The following MFSD11 variants were observed in gnomAD, a reference collection of about 807,000 sequenced individuals.
MFSD11 encodes the protein UNC93-like protein MFSD11.
MFSD11 carries 36 observed loss-of-function variants against 53.5 expected under a neutral mutation model. That is an observed-to-expected ratio of 0.67 (90% CI 0.52 to 0.89). The LOEUF is 0.89. MFSD11 is among the 40% of genes least tolerant of loss of function. MFSD11 has a pLI of 0.00. For missense variants in MFSD11, 530 were observed against 543.9 expected (o/e 0.97, Z 0.25); for synonymous variants, 186 against 184.9 (o/e 1.01, Z -0.05).
chr17:76,769,633 T>G (rs186159617), intron 9 of MFSD11, 113 bp from the exon 10 acceptor site: 3 of 746,400 alleles, frequency 4.0e-6, no homozygotes, highest in Non-Finnish European at 6.4e-6. Context: ...TCAGTCTCTG[T>G]GAGTTTTATG....
intron 8 of MFSD11, 140 bp downstream of exon 8, chr17:76,754,227 G>A: frequency 1.6e-6 from 1 of 636,894 alleles, no homozygotes. Flanking sequence ...GAAATATATT[G>A]ATCTTCCTTA....
intron 7 of MFSD11, chr17:76,748,182 G>A (rs1251251057): frequency 6.6e-6 from 1 of 152,392 alleles, no homozygotes; most frequent in Non-Finnish European, 1.5e-5. Context: ...GCCAAAGCCA[G>A]GCAGTGGGAA....
downstream of MFSD11, among the ~76,000 whole-genome samples, chr17:76,779,847 A>G (rs543359082): frequency 1.3e-5 from 2 of 152,152 alleles, no homozygotes; most frequent in African/African-American, 4.8e-5. Flanking sequence ...AAAGACAAAC[A>G]TATTTACTGA....
intron 7 of MFSD11, among the ~76,000 whole-genome samples, chr17:76,745,786 A>G (rs761650005): frequency 1.3e-5 from 2 of 150,986 alleles, no homozygotes; most frequent in Non-Finnish European, 2.9e-5. Context: ...AAAGGAAGAC[A>G]TGCATGTCTC....
downstream of MFSD11, among the ~76,000 whole-genome samples, chr17:76,784,044 T>C (rs2082234536): frequency 6.6e-6 from 1 of 151,750 alleles, no homozygotes; most frequent in Admixed American, 6.6e-5. Flanking sequence ...AAATGTACAA[T>C]GGTGAAGCTG....
chr17:76,785,132 T>C (rs936443551), downstream of MFSD11, among the ~76,000 whole-genome samples: 1 of 152,166 alleles, frequency 6.6e-6, no homozygotes, highest in Non-Finnish European at 1.5e-5. Context: ...ATTCAGCCTT[T>C]AAAGGAAGGA....
rs755797061 is a variant in MFSD11, at chr17:76,754,081, G to C, written c.676G>C (p.Ala226Pro). The stretch of plus-strand genomic sequence containing the variant: ...GAACAATCTGACAAAGGCAGTAGAT[G>C]CTTTTAGTAAGTATTTTCTGTATCT... ...AQNNLTKAVD[A>P]FKKSFKLCVT... Residue 226 changes from alanine to proline, a missense_variant, in exon 8 of 13, where the codon GCT becomes CCT. Transcript: ENST00000685175. The C allele has an allele frequency of 6.2e-7, 1 of 1,612,768 alleles. No homozygotes were observed. The highest frequency in any genetic ancestry group is 8.5e-7 in the Non-Finnish European group (1 of 1,178,934).
At chr17:76,802,394 T>C in the MFSD11 span, among the ~76,000 whole-genome samples, 1 of 152,228 alleles carries the variant, frequency 6.6e-6, no homozygotes, top group Admixed American at 6.5e-5. Flanking sequence ...ACATCTATTT[T>C]GGAAAACAAT....
At chr17:76,799,955 CTT>C in the MFSD11 span, among the ~76,000 whole-genome samples, 14 of 138,904 alleles carry the variant, frequency 1.0e-4, no homozygotes, top group Admixed American at 3.8e-4. Context: ...TTTCTTTTTC[CTT>C]TTTTTTTTTT....
chr17:76,736,842 G>A, upstream of MFSD11: 1 of 1,605,024 alleles, frequency 6.2e-7, no homozygotes, highest in Non-Finnish European at 8.5e-7. Flanking sequence ...TACCTGCGGG[G>A]TGGCGGTCCC....
downstream of MFSD11, among the ~76,000 whole-genome samples, chr17:76,780,757 G>A (rs1016894505): frequency 6.6e-6 from 1 of 151,718 alleles, no homozygotes; most frequent in African/African-American, 2.4e-5. Flanking sequence ...CTCATGATCC[G>A]CCTGCCTCAG....
Position 76,776,374 on chromosome 17 carries a change from G to C in MFSD11, c.1050-32G>C, listed in dbSNP as rs1403001905. The C allele has an allele frequency of 6.2e-7, 1 of 1,609,520 alleles. No individual in the cohort carries two copies. Among genetic ancestry groups the C allele is most frequent in the Non-Finnish European group, 8.5e-7 (1 of 1,178,480 alleles). ...ATTTTAAATGGCTCTAGCAGATATT[G>C]CTCATACTAAATTGATTTTTATTTT... On this transcript the variant is annotated intron_variant, in intron 11 of 12. Transcript: ENST00000685175. The surrounding 1 kb of genome is among the most constrained non-coding windows in gnomAD (Gnocchi z 4.2).
At chr17:76,743,303 C>G in intron 5 of MFSD11, 95 bp from the exon 6 acceptor site, 1 of 804,666 alleles carries the variant, frequency 1.2e-6, no homozygotes, top group East Asian at 3.0e-5. Context: ...TTCTCTCTCC[C>G]TCTCTTACAA....
chr17:76,799,198 C>G, the MFSD11 span: 16 of 152,070 alleles, frequency 1.1e-4, no homozygotes, highest in African/African-American at 3.4e-4. Flanking sequence ...TCACTGTAAC[C>G]CCTGCCTCCC....
upstream of MFSD11, chr17:76,737,266 T>G: frequency 7.1e-7 from 1 of 1,410,662 alleles, no homozygotes. Context: ...GTGGGGACAC[T>G]GGGAAAGGCC....
intron 7 of MFSD11, chr17:76,748,038 A>G (rs1345472682): frequency 6.9e-6 from 1 of 144,944 alleles, no homozygotes; most frequent in African/African-American, 2.5e-5. Context: ...GTGGTAGACA[A>G]TGCACGTGTA....
chr17:76,801,862 C>T, the MFSD11 span, among the ~76,000 whole-genome samples: 1 of 152,058 alleles, frequency 6.6e-6, no homozygotes, highest in Non-Finnish European at 1.5e-5. Flanking sequence ...TCCTGCTGAC[C>T]TCCTGTCTCA....
At chr17:76,746,120 C>T (rs1014290699) in intron 7 of MFSD11, among the ~76,000 whole-genome samples, 1 of 152,148 alleles carries the variant, frequency 6.6e-6, no homozygotes, top group South Asian at 2.1e-4. Flanking sequence ...AGGGAACACA[C>T]GAATGATAAG....
intron 10 of MFSD11, chr17:76,773,351 T>C (rs898982616): frequency 6.6e-5 from 10 of 152,268 alleles, no homozygotes; most frequent in African/African-American, 2.4e-4. Context: ...ACCAGCAATG[T>C]GTGAGTGATT....
Sources: allele counts gnomAD v4.1 joint callset (sites outside exome capture counted in the v4.1 genomes callset), GRCh38; gene constraint gnomAD v4.1.1; non-coding constraint Gnocchi (gnomAD v3.1); transcripts MANE v1.5; gene names NCBI Gene and HGNC (gene_info 2026-07-23, HGNC 2026-07-21).